SLC9A2: variants seen among roughly 807,000 people sequenced by gnomAD.
SLC9A2 encodes sodium/hydrogen exchanger 2.
SLC9A2 carries 42 observed loss-of-function variants against 71.7 expected under a neutral mutation model. The observed-to-expected ratio is 0.59, with a 90% CI of 0.46 to 0.76. The LOEUF is 0.76. Among genes scored for constraint, SLC9A2 ranks in the 30% least tolerant of loss-of-function variants. The pLI, the probability that SLC9A2 is intolerant of heterozygous loss-of-function variation, is 0.00. For missense variants in SLC9A2, 829 were observed against 1,017.4 expected, an observed-to-expected ratio of 0.81 and a Z score of 2.52; for synonymous variants, 396 against 392.5, an observed-to-expected ratio of 1.01 and a Z score of -0.10.
rs537286886 is a variant in SLC9A2 at position 102,687,971 on chromosome 2, G to A, written c.1425+3635G>A. On this transcript the variant is annotated intron_variant, in intron 5 of 11. Transcript: ENST00000233969. ...ATTTTTATATTTTTAGTAGAGATGC[G>A]GTTTCGCTGTGTTCGCCAGGCTGGT... Among the ~76,000 whole-genome samples, 14 of 152,020 alleles carry A rather than the reference G, an allele frequency of 9.2e-5. No homozygotes were observed. In the East Asian group the frequency reaches 2.3e-3, roughly 25 times the overall value.
intron 3 of SLC9A2, among the ~76,000 whole-genome samples, chr2:102,677,330 A>T (rs1216093013): frequency 6.6e-6 from 1 of 152,152 alleles, no homozygotes; most frequent in Non-Finnish European, 1.5e-5. Flanking sequence ...TAGTGTCTAT[A>T]GCTGGCCTGA....
chr2:102,665,493 G>A lies in SLC9A2; in HGVS notation c.1004+143G>A, dbSNP rs7586256. 2.3e-3 allele frequency: 2,215 copies of A among 956,328 alleles called. 40 individuals are homozygous for A. The African/African-American group carries it at 0.033, about 14-fold the overall frequency. 59.2% of individuals were successfully genotyped at this position (956,328 alleles called of 1,614,324 possible). A position where few individuals can be genotyped will look rare whatever the true frequency, so the allele number is the denominator to read the frequency against. On this transcript the variant is annotated intron_variant, in intron 3 of 11. Transcript: ENST00000233969. ...AAGAAAAATTAAAAATAGATTTTTC[G>A]GACGGGCACAGTGGCTCACGCCTGT...
intron 10 of SLC9A2, among the ~76,000 whole-genome samples, chr2:102,705,479 CACCTT>C (rs1677957580): frequency 6.6e-6 from 1 of 150,576 alleles, no homozygotes; most frequent in East Asian, 1.9e-4. Flanking sequence ...AAAAAAAAAA[CACCTT>C]ACATATATAT....
chr2:102,665,654 G>C (rs1227538159), intron 3 of SLC9A2, among the ~76,000 whole-genome samples: 1 of 151,334 alleles, frequency 6.6e-6, no homozygotes, highest in Non-Finnish European at 1.5e-5. Context: ...GGCCCCTGTA[G>C]TCCCAGCTAC....
chr2:102,623,402 C>T (rs1025922515), intron 1 of SLC9A2, among the ~76,000 whole-genome samples: 2 of 152,140 alleles, frequency 1.3e-5, no homozygotes, highest in African/African-American at 4.8e-5. Context: ...AGAGCCCAGC[C>T]TCGTCCTGCA....
intron 1 of SLC9A2, among the ~76,000 whole-genome samples, chr2:102,655,173 G>A (rs1478730585): frequency 6.6e-6 from 1 of 150,770 alleles, no homozygotes; most frequent in Non-Finnish European, 1.5e-5. Context: ...GTACAGTACA[G>A]CAACACAAAA....
intron 1 of SLC9A2, among the ~76,000 whole-genome samples, chr2:102,625,066 A>G (rs1418660586): frequency 6.6e-6 from 1 of 152,124 alleles, no homozygotes; most frequent in Non-Finnish European, 1.5e-5. Flanking sequence ...CTTTGAATAC[A>G]CTTCTAAATT....
At chr2:102,704,433 C>A in intron 9 of SLC9A2, 111 bp from the exon 10 acceptor site, 1 of 947,454 alleles carries the variant, frequency 1.1e-6, no homozygotes, top group Non-Finnish European at 1.6e-6. Context: ...GTTATAAGTG[C>A]TTAGCTGAGG....
chr2:102,692,773 C>T (rs992786419), intron 5 of SLC9A2, among the ~76,000 whole-genome samples: 2 of 152,166 alleles, frequency 1.3e-5, no homozygotes, highest in Non-Finnish European at 1.5e-5. Context: ...ATTGTGTTGT[C>T]GATACATGTT....
At chr2:102,643,138 A>C (rs1676642577) in intron 1 of SLC9A2, among the ~76,000 whole-genome samples, 1 of 152,178 alleles carries the variant, frequency 6.6e-6, no homozygotes, top group Non-Finnish European at 1.5e-5. Flanking sequence ...AGGGGTCAAA[A>C]GTGGGTTGCC....
At chr2:102,680,973 A>G (rs1025548410) in intron 3 of SLC9A2, among the ~76,000 whole-genome samples, 1 of 152,202 alleles carries the variant, frequency 6.6e-6, no homozygotes, top group African/African-American at 2.4e-5. Flanking sequence ...AGCCTCCAGA[A>G]GGAAAAAGCT....
chr2:102,633,632 C>G (rs1183186326), intron 1 of SLC9A2, among the ~76,000 whole-genome samples: 1 of 152,084 alleles, frequency 6.6e-6, no homozygotes, highest in Non-Finnish European at 1.5e-5. Context: ...GGGTAGGACA[C>G]AAAGAGCTAA....
intron 3 of SLC9A2, among the ~76,000 whole-genome samples, chr2:102,679,630 G>T (rs995710278): frequency 1.3e-5 from 2 of 152,014 alleles, no homozygotes; most frequent in African/African-American, 4.8e-5. Context: ...CGCCCACCTC[G>T]GCCTCCCAAA....
chr2:102,666,156 C>T lies in SLC9A2; in HGVS notation c.1004+806C>T, dbSNP rs1407955589. 2.7e-5 allele frequency among the ~76,000 whole-genome samples: 4 copies of T among 150,462 alleles called. No homozygotes were observed. The East Asian group carries it at 7.8e-4, about 29-fold the overall frequency. On this transcript the variant is annotated intron_variant, in intron 3 of 11. Transcript: ENST00000233969. ...ACAGCTTAGTCATTCAAAGCAAAAT[C>T]AGCGAATGAGAGTTGTGACCATGCA...
chr2:102,646,649 G>A (rs1676728135), intron 1 of SLC9A2, among the ~76,000 whole-genome samples: 1 of 151,522 alleles, frequency 6.6e-6, no homozygotes, highest in African/African-American at 2.4e-5. Context: ...AAAAAAGCAG[G>A]GGTTGCAATC....
At chr2:102,684,479 C>T (rs1677511631) in intron 5 of SLC9A2, 143 bp downstream of exon 5, 1 of 789,120 alleles carries the variant, frequency 1.3e-6, no homozygotes. Context: ...TGTCTGGGTT[C>T]ATGTCACTAG....
At chr2:102,620,589 A>G (rs1484200190) in intron 1 of SLC9A2, among the ~76,000 whole-genome samples, 1 of 152,090 alleles carries the variant, frequency 6.6e-6, no homozygotes, top group Non-Finnish European at 1.5e-5. Context: ...GCGCCTGACT[A>G]ATGAGGTGCA....
chr2:102,642,042 T>TATA (rs10682813), intron 1 of SLC9A2, among the ~76,000 whole-genome samples: 31,320 of 149,586 alleles, frequency 0.21, 4,054 homozygotes, highest in African/African-American at 0.36. Flanking sequence ...GAACTTAAAA[T>TATA]ATAATAATAA....
intron 1 of SLC9A2, among the ~76,000 whole-genome samples, chr2:102,639,973 ATAAT>A (rs1172612165): frequency 6.6e-6 from 1 of 152,262 alleles, no homozygotes; most frequent in Non-Finnish European, 1.5e-5. Context: ...GGGAAATAAA[ATAAT>A]TAAAGATCAG....
Sources: allele counts gnomAD v4.1 joint callset (sites outside exome capture counted in the v4.1 genomes callset), GRCh38; gene constraint gnomAD v4.1.1; transcripts MANE v1.5; gene names NCBI Gene and HGNC (gene_info 2026-07-23, HGNC 2026-07-21).